The following MYBPHL variants were observed in gnomAD, a reference collection of about 807,000 sequenced individuals.
The protein encoded by MYBPHL is myosin-binding protein H-like.
A neutral mutation model predicts 39.5 loss-of-function variants in MYBPHL; 32 were observed. The observed-to-expected ratio is 0.81, with a 90% confidence interval of 0.61 to 1.09. The LOEUF is 1.09. Ranked by LOEUF, MYBPHL falls within the 50% of genes least tolerant of loss-of-function variation. The probability of loss-of-function intolerance (pLI) is 0.00; values close to 1 mark genes in which losing one functional copy is unlikely to be tolerated. For synonymous variants in MYBPHL, 196 were observed against 183.7 expected (o/e 1.07, Z -0.54); for missense variants, 456 against 460.2 (o/e 0.99, Z 0.08).
chr1:109,298,803 C>T (rs562872381), intron 1 of MYBPHL, among the ~76,000 whole-genome samples: 9 of 152,224 alleles, frequency 5.9e-5, no homozygotes, highest in East Asian at 1.9e-4. Flanking sequence ...AGACAGAGCA[C>T]GTGTCTGGGT....
At chr1:109,303,438 G>T (rs908766574) in intron 1 of MYBPHL, among the ~76,000 whole-genome samples, 2 of 152,158 alleles carry the variant, frequency 1.3e-5, no homozygotes, top group African/African-American at 4.8e-5. Context: ...CCCACTCAGT[G>T]GCTGTATCTG....
At chr1:109,301,953 G>A (rs1440888433) in intron 1 of MYBPHL, among the ~76,000 whole-genome samples, 3 of 152,124 alleles carry the variant, frequency 2.0e-5, no homozygotes, top group Non-Finnish European at 4.4e-5. Flanking sequence ...AGTTCAGACC[G>A]ATGTTACTAA....
At chr1:109,302,834 G>A (rs74886636) in intron 1 of MYBPHL, among the ~76,000 whole-genome samples, 201 of 152,354 alleles carry the variant, frequency 1.3e-3, no homozygotes, top group African/African-American at 4.4e-3. Flanking sequence ...CTTCCGTAGC[G>A]TAGCTATCTC....
Position 109,292,526 on chromosome 1 carries a change from A to T in MYBPHL, c.*96T>A, listed in dbSNP as rs1165505293. The T allele has an allele frequency of 6.6e-6, 1 of 152,244 alleles. No individual in the cohort carries two copies. Among genetic ancestry groups the T allele is most frequent in the Non-Finnish European group, 1.5e-5 (1 of 68,050 alleles). 9.4% of individuals were successfully genotyped at this position (152,244 alleles called of 1,614,324 possible). A position where few individuals can be genotyped will look rare whatever the true frequency, so the allele number is the denominator to read the frequency against. On this transcript the variant is annotated 3_prime_UTR_variant, in exon 9 of 9. Coordinates refer to ENST00000357155, the MANE Select transcript of MYBPHL (RefSeq NM_001010985.3). ...ATGGCCAGAGGACACCAGGCTGCTG[A>T]GGGCACCGTTGTCACGGTCCCTGGC...
At chr1:109,303,062 A>G (rs1259502793) in intron 1 of MYBPHL, among the ~76,000 whole-genome samples, 3 of 152,238 alleles carry the variant, frequency 2.0e-5, no homozygotes, top group Non-Finnish European at 4.4e-5. Context: ...GGATTACCAC[A>G]TGGAGGAGAA....
Position 109,298,234 on chromosome 1 carries a change from G to A in MYBPHL, c.169C>T (p.Arg57Trp), listed in dbSNP as rs201587393. The A allele has an allele frequency of 4.0e-4, 645 of 1,610,068 alleles. No individual in the cohort carries two copies. The highest frequency in any genetic ancestry group is 4.9e-4 in the Middle Eastern group (3 of 6,072). ...CGGATGTAGGTCTGCCTCAGGGCCC[G>A]AGGTAGCCAGATCTTGGGGTGCTCT... Reference protein sequence around the residue: ...IEEHPKIWLPRALRQTYIRKV... With the variant: ...IEEHPKIWLPWALRQTYIRKV... Residue 57 changes from arginine to tryptophan, a missense_variant, in exon 2 of 9, where the codon CGG becomes TGG. Physicochemically the swap from Arg to Trp is moderately radical, Grantham distance 101 (BLOSUM62 -3). Transcript: ENST00000357155.
intron 8 of MYBPHL, among the ~76,000 whole-genome samples, chr1:109,293,160 G>A (rs892806725): frequency 2.6e-5 from 4 of 152,110 alleles, no homozygotes; most frequent in African/African-American, 9.7e-5. Context: ...GTCAGCAGGA[G>A]CAGCCTCCCC....
chr1:109,296,229 C>G lies in MYBPHL; in HGVS notation c.867+5G>C, dbSNP rs775723658. The stretch of plus-strand genomic sequence containing the variant: ...AGCACAGTGCCCCCCAGAGCCCCCA[C>G]TCACCCGGGGAGAGGCGCGGACACA... On this transcript the variant is annotated splice_donor_5th_base_variant and intron_variant, in intron 6 of 8. Coordinates refer to ENST00000357155, the MANE Select transcript of MYBPHL (RefSeq NM_001010985.3). The G allele has an allele frequency of 1.9e-6, 3 of 1,612,930 alleles. No individual in the cohort carries two copies. In the African/African-American group the frequency reaches 4.0e-5, roughly 22 times the overall value.
chr1:109,304,781 G>A (rs1019834025), intron 1 of MYBPHL, among the ~76,000 whole-genome samples: 53 of 152,208 alleles, frequency 3.5e-4, no homozygotes, highest in Non-Finnish European at 1.0e-4. Context: ...ACATAGAACT[G>A]TTTACCAATG....
chr1:109,306,928 G>A lies in MYBPHL; in HGVS notation c.64C>T (p.Pro22Ser). ...GCCTGGGGTGGTTCAGCATCCGCTG[G>A]GCTGGCTTCTTTCACCTTCAGCTTG... is the stretch of plus-strand genomic sequence containing the variant. ...GSKLKVKEAS[P>S]ADAEPPQASP... Residue 22 changes from proline (P) to serine (S), a missense_variant, in exon 1 of 9, where the codon CCA (proline) becomes TCA (serine). Transcript: ENST00000357155. 6.2e-7 allele frequency: 1 copy of A among 1,610,086 alleles called. No individual in the cohort carries two copies. Among genetic ancestry groups the A allele is most frequent in the Non-Finnish European group, 8.5e-7 (1 of 1,178,234 alleles).
rs1475504339 is a variant in MYBPHL at position 109,297,056 on chromosome 1, T to C, written c.564A>G (p.Lys188=). 1 of 1,614,042 alleles carries C rather than the reference T, an allele frequency of 6.2e-7. No homozygotes were observed. The highest frequency in any genetic ancestry group is 8.5e-7 in the Non-Finnish European group (1 of 1,179,998). ...LGYTVQKADT[K]SGLWFTVLEH... ...CCTTCCCAGCTGGCCTCACCCCGGA[T>C]TTTGTGTCAGCCTTCTGCACCGTGT... Residue 188 remains lysine, a synonymous_variant, in exon 4 of 9, where the codon AAA becomes AAG. Transcript: ENST00000357155.
At chr1:109,304,481 T>A (rs1419565131) in intron 1 of MYBPHL, among the ~76,000 whole-genome samples, 2 of 152,182 alleles carry the variant, frequency 1.3e-5, no homozygotes, top group East Asian at 3.9e-4. Flanking sequence ...AACGCCTCTT[T>A]GCTGAGAGGC....
chr1:109,297,683 G>T, intron 2 of MYBPHL, 66 bp from the exon 3 acceptor site: 1 of 1,455,662 alleles, frequency 6.9e-7, no homozygotes, highest in South Asian at 1.3e-5. Flanking sequence ...GCTGCTGTAG[G>T]GGTCCTGTCC....
chr1:109,293,852 T>C (rs568679604), intron 8 of MYBPHL, among the ~76,000 whole-genome samples: 1 of 152,124 alleles, frequency 6.6e-6, no homozygotes, highest in East Asian at 1.9e-4. Flanking sequence ...TCACTTGAGG[T>C]CAGGAGTTCG....
At position 109,292,528 on chromosome 1, in the gene MYBPHL, G is replaced by A. The variant is rs551040563; in HGVS notation, c.*94C>T. On this transcript the variant is annotated 3_prime_UTR_variant, in exon 9 of 9. Transcript: ENST00000357155. ...GGCCAGAGGACACCAGGCTGCTGAG[G>A]GCACCGTTGTCACGGTCCCTGGCTC... 19 of 152,322 alleles carry A rather than the reference G, an allele frequency of 1.2e-4. No homozygotes were observed. The highest frequency in any genetic ancestry group is 3.8e-4 in the African/African-American group (16 of 41,562). 9.4% of individuals were successfully genotyped at this position (152,322 alleles called of 1,614,324 possible).
intron 1 of MYBPHL, among the ~76,000 whole-genome samples, chr1:109,302,121 G>A (rs948777728): frequency 6.6e-6 from 1 of 151,824 alleles, no homozygotes; most frequent in Non-Finnish European, 1.5e-5. Context: ...GTGTGTTTAC[G>A]TGTGTCTGTG....
rs182237339 is a variant in MYBPHL, at chr1:109,295,529, C to T, written c.868-232G>A. On this transcript the variant is annotated intron_variant, in intron 6 of 8. Transcript: ENST00000357155. ...AACTTCATTTTCTTTACCAATATTT[C>T]TGACTGGAAGAAAACTGCTAACTTC... 2.6e-5 allele frequency among the ~76,000 whole-genome samples: 4 copies of T among 152,318 alleles called. No homozygotes were observed. The East Asian group carries it at 7.7e-4, about 29-fold the overall frequency.
Position 109,298,207 on chromosome 1 carries a change from T to G in MYBPHL, c.196A>C (p.Lys66Gln), listed in dbSNP as rs760141545. The G allele has an allele frequency of 6.2e-7, 1 of 1,610,128 alleles. No homozygotes were observed. The highest frequency in any genetic ancestry group is 2.3e-5 in the East Asian group (1 of 44,352). ...AGTAGGTTCACTGTGTCCCCAACCTTCCGGATGTAGGTCTGCCTCAGGGCC... is the reference window on the plus strand; with the variant it reads ...AGTAGGTTCACTGTGTCCCCAACCTGCCGGATGTAGGTCTGCCTCAGGGCC... ...PRALRQTYIRKVGDTVNLLIP... is the reference protein window; with the variant it reads ...PRALRQTYIRQVGDTVNLLIP... The change falls in exon 2 of 9, where the codon AAG (lysine) becomes CAG (glutamine). Residue 66 changes from lysine (K) to glutamine (Q), a missense_variant. Coordinates refer to ENST00000357155, the MANE Select transcript of MYBPHL (RefSeq NM_001010985.3).
chr1:109,297,421 C>T lies in MYBPHL; in HGVS notation c.430+1G>A, dbSNP rs150282235. 16 of 1,611,070 alleles carry T rather than the reference C, an allele frequency of 9.9e-6. No homozygotes were observed. The highest frequency in any genetic ancestry group is 1.4e-5 in the Non-Finnish European group (16 of 1,179,006). ...CCCATCTCCCACTTCCCCCACCGTACCAATCACCAGGATGTCAATGGTGGC... is the reference window on the plus strand; with the variant it reads ...CCCATCTCCCACTTCCCCCACCGTATCAATCACCAGGATGTCAATGGTGGC... On this transcript the variant is annotated splice_donor_variant, in intron 3 of 8. Coordinates refer to ENST00000357155, the MANE Select transcript of MYBPHL (RefSeq NM_001010985.3). LOFTEE classifies it high-confidence loss of function.
Sources: allele counts gnomAD v4.1 joint callset (sites outside exome capture counted in the v4.1 genomes callset), GRCh38; gene constraint gnomAD v4.1.1; transcripts MANE v1.5; gene names NCBI Gene and HGNC (gene_info 2026-07-23, HGNC 2026-07-21).